Variants in SLC2A9 observed in about 807,000 individuals in gnomAD.
SLC2A9 encodes the protein solute carrier family 2 member 9.
In SLC2A9, 39 loss-of-function variants were observed where a neutral mutation model predicts 50.6. The observed-to-expected ratio is 0.77, with a 90% CI of 0.60 to 1.01. The LOEUF (loss-of-function observed/expected upper bound fraction) is 1.01. Ranked by LOEUF, SLC2A9 falls within the 50% of genes least tolerant of loss-of-function variation. The probability of loss-of-function intolerance (pLI) is 0.00; values close to 1 mark genes in which losing one functional copy is unlikely to be tolerated. For synonymous variants in SLC2A9, 324 were observed against 276.9 expected, an observed-to-expected ratio of 1.17 and a Z score of -1.69; for missense variants, 686 against 677.6, an observed-to-expected ratio of 1.01 and a Z score of -0.14.
chr4:9,798,779 T>G (rs1472677583), downstream of SLC2A9: 3 of 152,224 alleles, frequency 2.0e-5, no homozygotes, highest in Admixed American at 6.5e-5. Context: ...AAGGCTCCAT[T>G]TCTAACTCAG....
chr4:9,913,099 C>T (rs1219933642), intron 7 of SLC2A9, among the ~76,000 whole-genome samples: 2 of 152,112 alleles, frequency 1.3e-5, no homozygotes, highest in Non-Finnish European at 2.9e-5. Context: ...AGGAATGTGG[C>T]CTTGCCAACA....
At chr4:10,039,510 T>C (rs10029311) in intron 1 of SLC2A9, among the ~76,000 whole-genome samples, 20,839 of 152,210 alleles carry the variant, frequency 0.14, 2,460 homozygotes, top group African/African-American at 0.32. Flanking sequence ...AACAATAACA[T>C]CAAACACCTC....
chr4:9,889,286 GC>G (rs1193461360), intron 9 of SLC2A9, among the ~76,000 whole-genome samples: 2 of 152,204 alleles, frequency 1.3e-5, no homozygotes, highest in African/African-American at 2.4e-5. Context: ...TTGAGGAGCT[GC>G]CGGGGGCAGG....
intron 11 of SLC2A9, among the ~76,000 whole-genome samples, chr4:9,833,334 G>A (rs541420499): frequency 6.6e-6 from 1 of 152,324 alleles, no homozygotes; most frequent in South Asian, 2.1e-4. Context: ...ACAGGGTGTG[G>A]CAGCCTTCTA....
intron 11 of SLC2A9, among the ~76,000 whole-genome samples, chr4:9,827,435 A>G (rs1399007330): frequency 6.6e-6 from 1 of 152,262 alleles, no homozygotes. Flanking sequence ...TGCAACAAAC[A>G]TCTACTGATC....
chr4:9,811,725 A>G (rs1489297538), intron 3 of SLC2A9, among the ~76,000 whole-genome samples: 1 of 152,196 alleles, frequency 6.6e-6, no homozygotes, highest in Admixed American at 6.5e-5. Flanking sequence ...TTGTTTTTTC[A>G]AGCCACTAAG....
downstream of SLC2A9, among the ~76,000 whole-genome samples, chr4:9,824,140 T>C (rs1252387375): frequency 1.3e-5 from 2 of 152,044 alleles, no homozygotes; most frequent in Non-Finnish European, 2.9e-5. Flanking sequence ...TGGGTCATCA[T>C]GGGAGTGGGA....
intron 10 of SLC2A9, among the ~76,000 whole-genome samples, chr4:9,845,631 C>A (rs1042692711): frequency 2.0e-5 from 3 of 150,972 alleles, no homozygotes; most frequent in South Asian, 2.1e-4. Context: ...GGGGTTTCAC[C>A]GTGTTAGCCA....
At chr4:9,910,902 A>G (rs890514324) in intron 7 of SLC2A9, among the ~76,000 whole-genome samples, 16 of 152,140 alleles carry the variant, frequency 1.1e-4, no homozygotes, top group Admixed American at 1.3e-4. Context: ...ATAAGAACAG[A>G]AAACCAAACA....
intron 6 of SLC2A9, among the ~76,000 whole-genome samples, chr4:9,930,826 C>T (rs1352833808): frequency 6.6e-6 from 1 of 152,254 alleles, no homozygotes; most frequent in Admixed American, 6.5e-5. Context: ...CAGTGAGTTC[C>T]CCATCCCTGA....
intron 3 of SLC2A9, among the ~76,000 whole-genome samples, chr4:9,790,072 G>C (rs1309260883): frequency 7.9e-5 from 12 of 152,218 alleles, no homozygotes; most frequent in Non-Finnish European, 1.5e-4. Context: ...GCTGAGAGAG[G>C]TTCAATAGCA....
intron 7 of SLC2A9, among the ~76,000 whole-genome samples, chr4:9,917,606 C>G (rs539793448): frequency 2.0e-5 from 3 of 152,176 alleles, no homozygotes; most frequent in Non-Finnish European, 4.4e-5. Context: ...GCTGGGATTA[C>G]AGGCACAAGA....
At position 9,970,498 on chromosome 4, in the gene SLC2A9, C is replaced by T. The variant is rs1174283577; in HGVS notation, c.681+10094G>A. ...GACCAGGAGGGGCACAGCCTGAAAACCACAGTTTCTGTCTGGGTGGGGAAA... is the reference window on the plus strand; with the variant it reads ...GACCAGGAGGGGCACAGCCTGAAAATCACAGTTTCTGTCTGGGTGGGGAAA... On this transcript the variant is annotated intron_variant, in intron 5 of 11. Coordinates refer to ENST00000264784, the MANE Select transcript of SLC2A9 (RefSeq NM_020041.3). Among the ~76,000 whole-genome samples the T allele has an allele frequency of 2.0e-5, 3 of 152,062 alleles. No homozygotes were observed. The East Asian group carries it at 5.8e-4, about 29-fold the overall frequency.
chr4:9,894,409 A>C (rs1323787579), intron 8 of SLC2A9, among the ~76,000 whole-genome samples: 1 of 152,136 alleles, frequency 6.6e-6, no homozygotes, highest in Non-Finnish European at 1.5e-5. Flanking sequence ...TATATGCAGA[A>C]ATAGTTTATA....
chr4:9,959,641 G>C (rs1751929942), intron 5 of SLC2A9, among the ~76,000 whole-genome samples: 1 of 152,160 alleles, frequency 6.6e-6, no homozygotes, highest in African/African-American at 2.4e-5. Flanking sequence ...TAGCAGTATT[G>C]AATTTTTTCA....
intron 10 of SLC2A9, among the ~76,000 whole-genome samples, chr4:9,857,905 G>T (rs1730981672): frequency 6.6e-6 from 1 of 152,146 alleles, no homozygotes; most frequent in Non-Finnish European, 1.5e-5. Context: ...ACTCTGGCAT[G>T]CCCTTTACTG....
chr4:9,854,328 A>G (rs967413245), intron 10 of SLC2A9, among the ~76,000 whole-genome samples: 1 of 152,164 alleles, frequency 6.6e-6, no homozygotes, highest in Non-Finnish European at 1.5e-5. Context: ...GAAATACAAA[A>G]AGCCCTCAGA....
Position 9,876,092 on chromosome 4 carries a change from T to C in SLC2A9, c.1291+11475A>G, listed in dbSNP as rs569537901. ...GGGAGGTGGCAAGAAGTCTTAAATA[T>C]CACAATGGTTTGCAGAGCTGCAAAA... On this transcript the variant is annotated intron_variant, in intron 10 of 11. Coordinates refer to ENST00000264784, the MANE Select transcript of SLC2A9 (RefSeq NM_020041.3). Among the ~76,000 whole-genome samples the C allele has an allele frequency of 3.5e-4, 54 of 152,340 alleles. No homozygotes were observed. In the South Asian group the frequency reaches 3.7e-3, roughly 11 times the overall value.
At chr4:10,035,653 G>C (rs1764077552) in intron 1 of SLC2A9, 1 of 152,230 alleles carries the variant, frequency 6.6e-6, no homozygotes. Flanking sequence ...TTCTGGAGGA[G>C]ACTGGTGTGG....
Sources: gnomAD v4.1 joint callset for allele counts (sites outside exome capture counted in the v4.1 genomes callset) on GRCh38, gnomAD v4.1.1 for gene constraint, MANE v1.5 for transcripts, NCBI Gene and HGNC (gene_info 2026-07-23, HGNC 2026-07-21) for gene names.